PAPOLA: variants seen among roughly 807,000 people sequenced by gnomAD.
PAPOLA encodes the protein poly(A) polymerase alpha, also known as polynucleotide adenylyltransferase alpha.
A neutral mutation model predicts 100.6 loss-of-function variants in PAPOLA; 15 were observed. The ratio of observed to expected loss-of-function variants is 0.15; its 90% CI spans 0.10 to 0.23. PAPOLA has a LOEUF of 0.23. PAPOLA is among the 10% of genes least tolerant of loss of function. The probability of loss-of-function intolerance (pLI) is 1.00; values close to 1 mark genes in which losing one functional copy is unlikely to be tolerated. For missense variants in PAPOLA, 533 were observed against 884.2 expected, an observed-to-expected ratio of 0.60 and a Z score of 5.04; for synonymous variants, 293 against 300.0, an observed-to-expected ratio of 0.98 and a Z score of 0.24.
intron 19 of PAPOLA, among the ~76,000 whole-genome samples, chr14:96,558,126 T>C (rs2140331914): frequency 8.3e-6 from 1 of 120,906 alleles, no homozygotes; most frequent in South Asian, 3.1e-4. Flanking sequence ...TCATTGGTTG[T>C]ACAACAGAAT....
At position 96,520,828 on chromosome 14, in the gene PAPOLA, T is replaced by C. The variant is rs752794560; in HGVS notation, c.183-178T>C. ...GTGTAACAGTGCCTGTATATATATATAGAAAGAGAGAGAGAGAGAAAGCGA... is the reference window on the plus strand; with the variant it reads ...GTGTAACAGTGCCTGTATATATATACAGAAAGAGAGAGAGAGAGAAAGCGA... On this transcript the variant is annotated intron_variant, in intron 2 of 21. Coordinates refer to ENST00000216277, the MANE Select transcript of PAPOLA (RefSeq NM_032632.5). 7.4e-4 allele frequency: 391 copies of C among 527,668 alleles called. 1 individual carries two copies. The highest frequency in any genetic ancestry group is 1.2e-3 in the Non-Finnish European group (335 of 287,128). The allele number at this position is 527,668 out of a possible 1,614,324, so 32.7% of individuals were successfully genotyped here.
At chr14:96,543,366 T>G (rs1299747294) in intron 14 of PAPOLA, among the ~76,000 whole-genome samples, 2 of 152,116 alleles carry the variant, frequency 1.3e-5, no homozygotes, top group African/African-American at 4.8e-5. Flanking sequence ...TTTACCTTTT[T>G]AGGGGTCTTT....
chr14:96,521,844 C>T (rs931448289), intron 3 of PAPOLA, among the ~76,000 whole-genome samples: 3 of 152,176 alleles, frequency 2.0e-5, no homozygotes, highest in African/African-American at 7.2e-5. Flanking sequence ...CAGAGTCTCA[C>T]TCTGTCACCC....
intron 5 of PAPOLA, 141 bp from the exon 6 acceptor site, chr14:96,527,812 C>G: frequency 1.4e-6 from 1 of 707,038 alleles, no homozygotes; most frequent in Non-Finnish European, 2.6e-6. Flanking sequence ...ATATTTGAAC[C>G]TTGATTTCTG....
intron 1 of PAPOLA, among the ~76,000 whole-genome samples, chr14:96,509,697 AC>A (rs1896974274): frequency 6.6e-6 from 1 of 152,200 alleles, no homozygotes; most frequent in South Asian, 2.1e-4. Flanking sequence ...ATGTTACTGT[AC>A]CGAATACTGT....
chr14:96,522,102 CTCTT>C (rs1389899946), intron 3 of PAPOLA, among the ~76,000 whole-genome samples: 2,789 of 127,084 alleles, frequency 0.022, 124 homozygotes, highest in South Asian at 0.029. Flanking sequence ...TGCATCTAGC[CTCTT>C]TCTTTCTTTC....
At chr14:96,524,488 CG>C (rs1316953935) in intron 3 of PAPOLA, among the ~76,000 whole-genome samples, 9 of 151,944 alleles carry the variant, frequency 5.9e-5, no homozygotes, top group Non-Finnish European at 1.5e-5. Flanking sequence ...TTCCCCTTCC[CG>C]TTCCCCTTCC....
chr14:96,503,001 C>T lies in PAPOLA; in HGVS notation c.8+401C>T, dbSNP rs79202023. The T allele has an allele frequency of 4.2e-5, 9 of 214,156 alleles. No homozygotes were observed. In the East Asian group the frequency reaches 7.2e-4, roughly 17 times the overall value. The allele number at this position is 214,156 out of a possible 1,614,324, so 13.3% of individuals were successfully genotyped here. On this transcript the variant is annotated intron_variant, in intron 1 of 21. Coordinates refer to ENST00000216277, the MANE Select transcript of PAPOLA (RefSeq NM_032632.5). ...GCACGCGGGATCAGCACTTGGGGTT[C>T]GGGCTCGCTCTCGGCGCCCCTCGGG... is the stretch of plus-strand genomic sequence containing the variant.
chr14:96,533,205 A>G (rs1899197823), intron 9 of PAPOLA: 1 of 982,552 alleles, frequency 1.0e-6, no homozygotes, highest in Non-Finnish European at 1.2e-6. Flanking sequence ...ATTTCCACAT[A>G]TGTCAACTAT....
At position 96,525,267 on chromosome 14, in the gene PAPOLA, C is replaced by T. The variant is rs374437288; in HGVS notation, c.250-43C>T. 14 of 867,512 alleles carry T rather than the reference C, an allele frequency of 1.6e-5. No individual in the cohort carries two copies. In the African/African-American group the frequency reaches 2.2e-4, roughly 14 times the overall value. 53.7% of individuals were successfully genotyped at this position (867,512 alleles called of 1,614,324 possible). On this transcript the variant is annotated intron_variant, in intron 3 of 21. Coordinates refer to ENST00000216277, the MANE Select transcript of PAPOLA (RefSeq NM_032632.5). ...AGTATAGTATCATTTGAATAGTTTCCCTTGTGCTCCACTGGCAAAATAACC... is the reference window on the plus strand; with the variant it reads ...AGTATAGTATCATTTGAATAGTTTCTCTTGTGCTCCACTGGCAAAATAACC...
intron 16 of PAPOLA, among the ~76,000 whole-genome samples, 182 bp downstream of exon 16, chr14:96,548,100 C>T (rs530174424): frequency 6.6e-6 from 1 of 152,178 alleles, no homozygotes; most frequent in South Asian, 2.1e-4. Context: ...TTTTCTTGCA[C>T]ACAGTTGCTT....
rs1251006955 is a variant in PAPOLA, at chr14:96,541,705, A to G, written c.1116-538A>G. Among the ~76,000 whole-genome samples the G allele has an allele frequency of 2.6e-5, 4 of 151,862 alleles. 1 individual carries two copies. The highest frequency in any genetic ancestry group is 4.4e-5 in the Non-Finnish European group (3 of 67,972). ...TTTTCTTTTTTGATTATAGAAATGT[A>G]TACTCTTAAAATTGGGAAAAAAATC... On this transcript the variant is annotated intron_variant, in intron 12 of 21. Coordinates refer to ENST00000216277, the MANE Select transcript of PAPOLA (RefSeq NM_032632.5).
intron 12 of PAPOLA, among the ~76,000 whole-genome samples, chr14:96,541,064 T>C (rs2140301431): frequency 6.6e-6 from 1 of 152,270 alleles, no homozygotes; most frequent in Admixed American, 6.5e-5. Context: ...TAATTTTTTG[T>C]ATTTTTAGTA....
intron 12 of PAPOLA, 32 bp downstream of exon 12, chr14:96,537,092 C>T: frequency 8.8e-7 from 1 of 1,139,358 alleles, no homozygotes; most frequent in East Asian, 2.3e-5. Context: ...GGACATGTTG[C>T]TCTCTTAAGT....
intron 19 of PAPOLA, among the ~76,000 whole-genome samples, chr14:96,557,742 C>CT (rs1453653086): frequency 2.1e-5 from 3 of 145,540 alleles, no homozygotes; most frequent in East Asian, 4.0e-4. Context: ...AAGACTTTTT[C>CT]TTTCTTTTTT....
chr14:96,560,487 T>TA, intron 19 of PAPOLA, 162 bp from the exon 20 acceptor site: 1 of 572,006 alleles, frequency 1.7e-6, no homozygotes, highest in Non-Finnish European at 3.1e-6. Flanking sequence ...TTTAATCTGA[T>TA]AAAAACATTT....
intron 11 of PAPOLA, among the ~76,000 whole-genome samples, chr14:96,536,438 T>C (rs987190057): frequency 3.3e-5 from 5 of 152,128 alleles, no homozygotes; most frequent in African/African-American, 1.2e-4. Flanking sequence ...TTTGAAGGTA[T>C]AGCTACTACC....
chr14:96,557,797 A>C lies in PAPOLA; in HGVS notation c.2004+1384A>C, dbSNP rs1032523198. 7.3e-5 allele frequency among the ~76,000 whole-genome samples: 11 copies of C among 151,260 alleles called. 1 individual carries two copies. The highest frequency in any genetic ancestry group is 2.4e-4 in the African/African-American group (10 of 41,248). ...CTATTAACTAAAAGTAATCTGATGA[A>C]TTTTGTCACTCTTAAGATGGTAAAT... On this transcript the variant is annotated intron_variant, in intron 19 of 21. Transcript: ENST00000216277.
At chr14:96,502,931 C>T (rs1896411219) in intron 1 of PAPOLA, 2 of 345,678 alleles carry the variant, frequency 5.8e-6, no homozygotes, top group Non-Finnish European at 1.0e-5. Flanking sequence ...TCAAAACAAC[C>T]CGAAAACAAA....
Sources: gnomAD v4.1 joint callset for allele counts (sites outside exome capture counted in the v4.1 genomes callset) on GRCh38, gnomAD v4.1.1 for gene constraint, MANE v1.5 for transcripts, NCBI Gene and HGNC (gene_info 2026-07-23, HGNC 2026-07-21) for gene names.